Variants in MYO18B observed in about 807,000 individuals in gnomAD.
MYO18B encodes myosin XVIIIB.
MYO18B carries 204 observed loss-of-function variants against 273.0 expected under a neutral mutation model. The ratio of observed to expected loss-of-function variants is 0.75; its 90% CI spans 0.67 to 0.84. The LOEUF (loss-of-function observed/expected upper bound fraction) is 0.84. Among genes scored for constraint, MYO18B ranks in the 40% least tolerant of loss-of-function variants. The probability of loss-of-function intolerance (pLI) is 0.00; values close to 1 mark genes in which losing one functional copy is unlikely to be tolerated. For missense variants in MYO18B, 3,212 were observed against 3,287.6 expected, an observed-to-expected ratio of 0.98 and a Z score of 0.56; for synonymous variants, 1,330 against 1,305.7, an observed-to-expected ratio of 1.02 and a Z score of -0.40.
At chr22:25,754,768 G>C (rs2086057065) in intron 1 of MYO18B, among the ~76,000 whole-genome samples, 2 of 152,230 alleles carry the variant, frequency 1.3e-5, no homozygotes, top group Non-Finnish European at 2.9e-5. Context: ...CTGGGTCAGT[G>C]GAGCTGGCGC....
intron 31 of MYO18B, 140 bp from the exon 32 acceptor site, chr22:25,908,182 C>T: frequency 1.5e-6 from 1 of 656,932 alleles, no homozygotes; most frequent in Non-Finnish European, 2.7e-6. Flanking sequence ...TGTGATCTTC[C>T]AGGATGCCTA....
intron 1 of MYO18B, among the ~76,000 whole-genome samples, chr22:25,751,974 T>G (rs988672121): frequency 6.6e-6 from 1 of 152,302 alleles, no homozygotes; most frequent in South Asian, 2.1e-4. Context: ...CTAGGAAAAC[T>G]GAGGCTCAGA....
intron 2 of MYO18B, among the ~76,000 whole-genome samples, chr22:25,762,281 C>T (rs1232401152): frequency 6.6e-6 from 1 of 152,234 alleles, no homozygotes; most frequent in Non-Finnish European, 1.5e-5. Context: ...GTCTCCTGGC[C>T]TTTGCTATCT....
intron 33 of MYO18B, among the ~76,000 whole-genome samples, chr22:25,917,894 A>G (rs2092286740): frequency 6.6e-6 from 1 of 152,100 alleles, no homozygotes. Context: ...TTTTTTACTA[A>G]CATTAATTTT....
chr22:25,934,920 CTCAA>C (rs3070576), intron 34 of MYO18B, among the ~76,000 whole-genome samples: 8,200 of 152,186 alleles, frequency 0.054, 722 homozygotes, highest in African/African-American at 0.19. Flanking sequence ...TCCCTCAGTG[CTCAA>C]TCAGTTTCTG....
At chr22:25,753,829 C>G (rs2086023498) in intron 1 of MYO18B, among the ~76,000 whole-genome samples, 1 of 152,232 alleles carries the variant, frequency 6.6e-6, no homozygotes, top group African/African-American at 2.4e-5. Flanking sequence ...AAGGAACAAA[C>G]TCTGGATATA....
At chr22:25,850,535 A>T (rs2090395648) in intron 20 of MYO18B, among the ~76,000 whole-genome samples, 2 of 152,224 alleles carry the variant, frequency 1.3e-5, no homozygotes, top group African/African-American at 4.8e-5. Context: ...ATTTGCACAC[A>T]TAAGCTCTCA....
intron 39 of MYO18B, among the ~76,000 whole-genome samples, chr22:25,956,697 A>G (rs1026464601): frequency 1.3e-5 from 2 of 152,106 alleles, no homozygotes; most frequent in South Asian, 2.1e-4. Flanking sequence ...CCTGGGGTGT[A>G]TCTGGCACCC....
the MYO18B span, among the ~76,000 whole-genome samples, chr22:26,043,815 C>T: frequency 6.6e-6 from 1 of 152,102 alleles, no homozygotes; most frequent in African/African-American, 2.4e-5. Context: ...CTGCACCCGG[C>T]CTTCTTTTTT....
intron 39 of MYO18B, among the ~76,000 whole-genome samples, chr22:25,992,144 T>C (rs1185363057): frequency 6.6e-6 from 1 of 152,222 alleles, no homozygotes; most frequent in Admixed American, 6.5e-5. Flanking sequence ...CTGTGTGCCA[T>C]GCCCTGGAGT....
At chr22:25,772,049 C>T (rs1458986781) in intron 6 of MYO18B, among the ~76,000 whole-genome samples, 2 of 152,338 alleles carry the variant, frequency 1.3e-5, no homozygotes, top group Non-Finnish European at 2.9e-5. Context: ...TGAATTTTGT[C>T]AAGTCTGCCT....
At chr22:26,020,597 A>C (rs1935726272) in intron 42 of MYO18B, among the ~76,000 whole-genome samples, 1 of 152,220 alleles carries the variant, frequency 6.6e-6, no homozygotes. Context: ...CTTTGAGATA[A>C]ATAAGTCATG....
chr22:25,877,742 A>G (rs2091238953), intron 24 of MYO18B, among the ~76,000 whole-genome samples: 1 of 152,220 alleles, frequency 6.6e-6, no homozygotes, highest in Non-Finnish European at 1.5e-5. Flanking sequence ...TGCTGGGATT[A>G]CAGGTGTGAG....
At chr22:25,997,212 G>A (rs1001086385) in intron 40 of MYO18B, among the ~76,000 whole-genome samples, 10 of 148,374 alleles carry the variant, frequency 6.7e-5, no homozygotes, top group African/African-American at 2.2e-4. Context: ...GGCTGAGGTA[G>A]GAGGATGGCT....
In MYO18B at chr22:25,769,002, G is replaced by A; in HGVS notation, c.1086G>A (p.Gln362=). The A allele has an allele frequency of 1.2e-6, 2 of 1,611,078 alleles. No homozygotes were observed. Among genetic ancestry groups the A allele is most frequent in the Non-Finnish European group, 1.7e-6 (2 of 1,178,578 alleles). ...AGATGGAGAAGACAAGCCAAGTGCA[G>A]GGCGAGTTGGGGGACGATCTGAGAA... The part of the protein sequence containing the change: ...QTQMEKTSQV[Q]GELGDDLRMG... The change falls in exon 4 of 44, where the codon CAG becomes CAA. Residue 362 remains glutamine (Q), a synonymous_variant. Transcript: ENST00000335473.
chr22:25,895,111 A>G lies in MYO18B; in HGVS notation c.4544-45A>G, dbSNP rs768352901. 13 of 1,595,298 alleles carry G rather than the reference A, an allele frequency of 8.1e-6. No individual in the cohort carries two copies. In the East Asian group the frequency reaches 2.0e-4, roughly 25 times the overall value. ...AGAGCCACTCACACTCTTGCCTTAC[A>G]CTCATTTGGCCTCTTATCCTGGTCT... is the stretch of plus-strand genomic sequence containing the variant. On this transcript the variant is annotated intron_variant, in intron 27 of 43. Coordinates refer to ENST00000335473, the MANE Select transcript of MYO18B (RefSeq NM_032608.7).
At position 25,781,722 on chromosome 22, in the gene MYO18B, C is replaced by G. The variant is rs913541655; in HGVS notation, c.2212-12C>G. On this transcript the variant is annotated splice_polypyrimidine_tract_variant and intron_variant, in intron 9 of 43. Coordinates refer to ENST00000335473, the MANE Select transcript of MYO18B (RefSeq NM_032608.7). The stretch of plus-strand genomic sequence containing the variant: ...AAAGCACTGACTGGGTGCCCCTCTT[C>G]TCTCCCTGCAGACAATGCTTTTGGA... The G allele has an allele frequency of 7.9e-6, 12 of 1,515,354 alleles. No homozygotes were observed. The highest frequency in any genetic ancestry group is 1.1e-5 in the Non-Finnish European group (12 of 1,132,564). The allele number at this position is 1,515,354 out of a possible 1,614,324, so 93.9% of individuals were successfully genotyped here.
intron 33 of MYO18B, among the ~76,000 whole-genome samples, chr22:25,916,393 T>C (rs1441636715): frequency 2.0e-5 from 3 of 152,170 alleles, no homozygotes; most frequent in Non-Finnish European, 4.4e-5. Context: ...GGTCTTCAGT[T>C]TTAGTATTAA....
intron 42 of MYO18B, among the ~76,000 whole-genome samples, chr22:26,010,274 C>G (rs1934793948): frequency 6.6e-6 from 1 of 152,182 alleles, no homozygotes; most frequent in Non-Finnish European, 1.5e-5. Context: ...TTAGTCCATC[C>G]TCTATACTTT....
Sources: allele counts gnomAD v4.1 joint callset (sites outside exome capture counted in the v4.1 genomes callset), GRCh38; gene constraint gnomAD v4.1.1; transcripts MANE v1.5; gene names NCBI Gene and HGNC (gene_info 2026-07-23, HGNC 2026-07-21).